The following ATP2B3 variants were observed in gnomAD, a reference collection of about 807,000 sequenced individuals.
ATP2B3 encodes ATPase plasma membrane Ca2+ transporting 3, also known as plasma membrane calcium-transporting ATPase 3.
ATP2B3 carries 12 observed loss-of-function variants against 70.8 expected under a neutral mutation model. The ratio of observed to expected loss-of-function variants is 0.17; its 90% CI spans 0.11 to 0.27. The LOEUF (loss-of-function observed/expected upper bound fraction) is 0.27. Ranked by LOEUF, ATP2B3 falls within the 10% of genes least tolerant of loss-of-function variation. The pLI is 1.00. For missense variants in ATP2B3, 858 were observed against 1,118.5 expected (o/e 0.77, Z 3.32); for synonymous variants, 460 against 497.8 (o/e 0.92, Z 1.01).
intron 13 of ATP2B3, 121 bp from the exon 14 acceptor site, chrX:153,555,928 C>A: frequency 1.2e-6 from 1 of 825,193 alleles, no homozygotes; most frequent in Non-Finnish European, 1.8e-6. Flanking sequence ...AATCGGATGG[C>A]TTTACTCTCA....
chrX:153,560,058 G>A (rs111809981), intron 18 of ATP2B3, 116 bp downstream of exon 18: 9 of 775,475 alleles, frequency 1.2e-5, no homozygotes, highest in South Asian at 2.6e-5. Flanking sequence ...GGGGTGGGAC[G>A]CTGCACTTCC....
chrX:153,526,298 G>C (rs2090032237), intron 2 of ATP2B3, among the ~76,000 whole-genome samples: 2 of 111,435 alleles, frequency 1.8e-5, no homozygotes, highest in African/African-American at 6.5e-5. Flanking sequence ...TCAGGAACTG[G>C]AGGAGCAGCT....
Position 153,538,792 on chromosome X carries a change from T to C in ATP2B3, c.208+2337T>C, listed in dbSNP as rs184612761. Among the ~76,000 whole-genome samples the C allele has an allele frequency of 3.3e-3, 377 of 112,772 alleles. 1 individual carries two copies. The highest frequency in any genetic ancestry group is 5.5e-3 in the Admixed American group (59 of 10,781). Reference sequence around the variant, plus strand: ...CAGCTGTGTTCCTCCTCCCCGTCAATGGGTGCTGCAGTGGGGCAGCCGTCG... The same window carrying C: ...CAGCTGTGTTCCTCCTCCCCGTCAACGGGTGCTGCAGTGGGGCAGCCGTCG... On this transcript the variant is annotated intron_variant, in intron 3 of 21. Coordinates refer to ENST00000263519, the MANE Select transcript of ATP2B3 (RefSeq NM_001001344.3).
intron 2 of ATP2B3, among the ~76,000 whole-genome samples, chrX:153,531,204 C>T (rs1395176603): frequency 1.8e-5 from 2 of 113,060 alleles, no homozygotes; most frequent in Non-Finnish European, 3.8e-5. Context: ...TAGGATCATG[C>T]CAGGCCCAGG....
At chrX:153,548,202 A>G (rs1478759019) in intron 9 of ATP2B3, among the ~76,000 whole-genome samples, 1 of 112,726 alleles carries the variant, frequency 8.9e-6, no homozygotes, top group Non-Finnish European at 1.9e-5. Context: ...CAGAAGTCCC[A>G]AACCCTCGAC....
chrX:153,526,866 A>C (rs782277030), intron 2 of ATP2B3, among the ~76,000 whole-genome samples: 15 of 111,917 alleles, frequency 1.3e-4, no homozygotes, highest in Non-Finnish European at 5.7e-5. Context: ...ACACCAATGC[A>C]TCCCCCCAGC....
In ATP2B3 at chrX:153,550,169, A is replaced by G; in HGVS notation, c.1706A>G (p.Lys569Arg). ...GTGCGCGAGCAGATCCCGGAAGACA[A>G]GCTTTACAAAGTGTACACCTTCAAC... is the stretch of plus-strand genomic sequence containing the variant. Reference protein sequence around the residue: ...QPVREQIPEDKLYKVYTFNSV... With the variant: ...QPVREQIPEDRLYKVYTFNSV... The change falls in exon 12 of 22, where the codon AAG (lysine) becomes AGG (arginine). Residue 569 changes from lysine (K) to arginine (R), a missense_variant. This residue lies in a region of ATP2B3 where 242 missense variants were observed against 281.3 expected (regional missense o/e 0.86). Transcript: ENST00000263519. 1 of 1,212,475 alleles carries G rather than the reference A, an allele frequency of 8.2e-7. No individual in the cohort carries two copies. The highest frequency in any genetic ancestry group is 1.1e-6 in the Non-Finnish European group (1 of 895,655).
intron 2 of ATP2B3, among the ~76,000 whole-genome samples, chrX:153,534,311 C>T (rs1429139135): frequency 1.8e-5 from 2 of 112,185 alleles, no homozygotes; most frequent in African/African-American, 6.5e-5. Context: ...CTGCCACTTC[C>T]CCAAGCCAGC....
intron 2 of ATP2B3, among the ~76,000 whole-genome samples, chrX:153,531,350 G>T (rs1310331059): frequency 1.8e-5 from 2 of 113,393 alleles, no homozygotes; most frequent in African/African-American, 3.2e-5. Context: ...GCCTTGGCTT[G>T]CTTTTCCTCT....
intron 3 of ATP2B3, among the ~76,000 whole-genome samples, chrX:153,539,595 G>A (rs1304118342): frequency 8.8e-6 from 1 of 113,234 alleles, no homozygotes; most frequent in Non-Finnish European, 1.9e-5. Flanking sequence ...TGGTCATCCC[G>A]TCCCTGCAGC....
chrX:153,521,758 A>T (rs2089962406), intron 2 of ATP2B3, among the ~76,000 whole-genome samples: 1 of 112,116 alleles, frequency 8.9e-6, no homozygotes, highest in Non-Finnish European at 1.9e-5. Context: ...CGATTTTATT[A>T]GAATGCACTT....
At chrX:153,540,937 C>T (rs1213376947) in intron 3 of ATP2B3, among the ~76,000 whole-genome samples, 5 of 112,491 alleles carry the variant, frequency 4.4e-5, no homozygotes, top group Admixed American at 3.7e-4. Flanking sequence ...CCTAGCAACC[C>T]TTGTTGACCT....
At chrX:153,572,589 C>T (rs1474861974) in intron 21 of ATP2B3, among the ~76,000 whole-genome samples, 1 of 103,435 alleles carries the variant, frequency 9.7e-6, no homozygotes, top group Non-Finnish European at 2.0e-5. Context: ...CCTCCCACAC[C>T]TTTGCTGCTT....
intron 21 of ATP2B3, among the ~76,000 whole-genome samples, chrX:153,570,978 C>T (rs1343445848): frequency 9.8e-6 from 1 of 102,311 alleles, no homozygotes; most frequent in African/African-American, 3.6e-5. Context: ...TCCTGTCCCC[C>T]TTGGGAACAG....
At chrX:153,570,067 GT>G (rs1205166767) in intron 21 of ATP2B3, 3 of 369,324 alleles carry the variant, frequency 8.1e-6, no homozygotes, top group African/African-American at 7.8e-5. Flanking sequence ...TTTGCCGATG[GT>G]TCTTCATGAA....
intron 21 of ATP2B3, chrX:153,569,195 G>A (rs1174543636): frequency 7.5e-6 from 3 of 398,593 alleles, no homozygotes; most frequent in Non-Finnish European, 1.4e-5. Flanking sequence ...AAGTCCTCCG[G>A]GTTTAGAGGA....
chrX:153,580,538 G>T lies in ATP2B3; in HGVS notation c.*240G>T. 1 of 342,159 alleles carries T rather than the reference G, an allele frequency of 2.9e-6. No individual in the cohort carries two copies. The highest frequency in any genetic ancestry group is 1.0e-4 in the South Asian group (1 of 9,950). 28.2% of individuals were successfully genotyped at this position (342,159 alleles called of 1,213,427 possible). Reference sequence around the variant, plus strand: ...AAGACGAGGACAGGGAGGAGGAAAAGGAGGAAGAGGAGGACAAAAAGGGGG... The same window carrying T: ...AAGACGAGGACAGGGAGGAGGAAAATGAGGAAGAGGAGGACAAAAAGGGGG... On this transcript the variant is annotated 3_prime_UTR_variant, in exon 22 of 22. Transcript: ENST00000263519.
intron 8 of ATP2B3, 151 bp downstream of exon 8, chrX:153,546,280 A>G (rs1254724909): frequency 1.7e-5 from 12 of 699,074 alleles, no homozygotes; most frequent in Admixed American, 8.3e-5. Context: ...GTCCCGTCCC[A>G]GTGCAGAGGG....
rs1347148284 is a variant in ATP2B3, at chrX:153,556,325, C to T, written c.2239-6C>T. 6 of 1,206,706 alleles carry T rather than the reference C, an allele frequency of 5.0e-6. No individual in the cohort carries two copies. The African/African-American group carries it at 1.0e-4, about 21-fold the overall frequency. On this transcript the variant is annotated splice_polypyrimidine_tract_variant and splice_region_variant and intron_variant, in intron 14 of 21. Transcript: ENST00000263519. ...TCTGCAGCGTCCTTGTGCTTCCCCTCCCCAGATAGAACAGGAGCGGCTGGA... is the reference window on the plus strand; with the variant it reads ...TCTGCAGCGTCCTTGTGCTTCCCCTTCCCAGATAGAACAGGAGCGGCTGGA...
Sources: gnomAD v4.1 joint callset for allele counts (sites outside exome capture counted in the v4.1 genomes callset) on GRCh38, gnomAD v4.1.1 for gene constraint, gnomAD v4.1.1 regional missense constraint, MANE v1.5 for transcripts, NCBI Gene and HGNC (gene_info 2026-07-23, HGNC 2026-07-21) for gene names.